PAX3: variants seen among roughly 807,000 people sequenced by gnomAD.
PAX3 encodes paired box protein Pax-3.
Under a neutral mutation model 51.6 loss-of-function variants are expected in PAX3, and 14 were observed. The observed-to-expected ratio is 0.27, with a 90% CI of 0.18 to 0.42. The LOEUF (loss-of-function observed/expected upper bound fraction) is 0.42. Ranked by LOEUF, PAX3 falls within the 10% of genes least tolerant of loss-of-function variation. PAX3 has a pLI of 1.00. For synonymous variants in PAX3, 280 were observed against 253.4 expected (o/e 1.11, Z -1.00); for missense variants, 540 against 642.8 (o/e 0.84, Z 1.73).
At chr2:222,212,351 C>T (rs989219608) in intron 7 of PAX3, among the ~76,000 whole-genome samples, 2 of 152,010 alleles carry the variant, frequency 1.3e-5, no homozygotes, top group African/African-American at 4.8e-5. Flanking sequence ...CTAAAGGTTA[C>T]CCGAACAGTC....
chr2:222,247,663 G>A (rs1242714073), intron 4 of PAX3, among the ~76,000 whole-genome samples: 1 of 151,720 alleles, frequency 6.6e-6, no homozygotes, highest in Non-Finnish European at 1.5e-5. Flanking sequence ...TTTTTTCTGT[G>A]GATCTATAGG....
chr2:222,244,618 C>G (rs1292148484), intron 4 of PAX3, among the ~76,000 whole-genome samples: 2 of 151,466 alleles, frequency 1.3e-5, no homozygotes, highest in Non-Finnish European at 2.9e-5. Flanking sequence ...AAATCACCAC[C>G]AAAGCTTTGC....
Position 222,238,506 on chromosome 2 carries a change from G to A in PAX3, c.587-6223C>T, listed in dbSNP as rs150817410. Reference sequence around the variant, plus strand: ...ACATTGTCTTTCTTCTCAGCAAGACGTTTCATTTGAATAATTAAAGAATCA... The same window carrying A: ...ACATTGTCTTTCTTCTCAGCAAGACATTTCATTTGAATAATTAAAGAATCA... On this transcript the variant is annotated intron_variant, in intron 4 of 8. Transcript: ENST00000392070. Among the ~76,000 whole-genome samples the A allele has an allele frequency of 3.4e-4, 52 of 152,276 alleles. No individual in the cohort carries two copies. In the East Asian group the frequency reaches 4.4e-3, roughly 13 times the overall value.
intron 4 of PAX3, among the ~76,000 whole-genome samples, chr2:222,254,792 C>CT (rs1406280452): frequency 6.6e-6 from 1 of 152,022 alleles, no homozygotes; most frequent in Non-Finnish European, 1.5e-5. Flanking sequence ...CTATTCTTTT[C>CT]TTTTTTCTGA....
intron 5 of PAX3, among the ~76,000 whole-genome samples, chr2:222,231,249 C>CTGCA (rs1559271486): frequency 6.6e-6 from 1 of 152,088 alleles, no homozygotes; most frequent in Non-Finnish European, 1.5e-5. Context: ...AAATAACACA[C>CTGCA]AATATTTGCA....
At chr2:222,225,822 A>G (rs1692361353) in intron 5 of PAX3, among the ~76,000 whole-genome samples, 1 of 152,236 alleles carries the variant, frequency 6.6e-6, no homozygotes, top group South Asian at 2.1e-4. Flanking sequence ...TGACACTTCT[A>G]TCTGAGAAAA....
intron 7 of PAX3, among the ~76,000 whole-genome samples, chr2:222,212,999 G>C (rs1691805938): frequency 6.6e-6 from 1 of 152,090 alleles, no homozygotes; most frequent in South Asian, 2.1e-4. Flanking sequence ...GAAAACACGA[G>C]GTTGTTGCAT....
chr2:222,283,190 T>A (rs963141582), intron 4 of PAX3, among the ~76,000 whole-genome samples: 2 of 152,238 alleles, frequency 1.3e-5, no homozygotes, highest in African/African-American at 2.4e-5. Context: ...GCCAGTATGA[T>A]GGAGTACTAT....
chr2:222,269,923 TTTTAGTAGAAAGAA>T lies in PAX3; in HGVS notation c.586+24230_586+24243del, dbSNP rs758718261. 3.7e-4 allele frequency among the ~76,000 whole-genome samples: 56 copies of T among 152,354 alleles called. 1 individual carries two copies. The highest frequency in any genetic ancestry group is 3.4e-3 in the Middle Eastern group (1 of 294). ...ACATTTGTGCTTAAACACTTAATTC[TTTTAGTAGAAAGAA>T]TTTAGTTCGAGCCTAAAATAGTAAA... On this transcript the variant is annotated intron_variant, in intron 4 of 8. Coordinates refer to ENST00000392070, the MANE Select transcript of PAX3 (RefSeq NM_181458.4).
rs1393367063 is a variant in PAX3, at chr2:222,201,354, T to C, written c.*54A>G. 6.2e-7 allele frequency: 1 copy of C among 1,611,838 alleles called. No individual in the cohort carries two copies. Among genetic ancestry groups the C allele is most frequent in the African/African-American group, 1.3e-5 (1 of 74,392 alleles). ...GTTTTCAGAGCAGATTCTTCATATCTAGGCTGCGAAGACCAGAAACAGGGC... is the reference window on the plus strand; with the variant it reads ...GTTTTCAGAGCAGATTCTTCATATCCAGGCTGCGAAGACCAGAAACAGGGC... On this transcript the variant is annotated 3_prime_UTR_variant, in exon 9 of 9. Coordinates refer to ENST00000392070, the MANE Select transcript of PAX3 (RefSeq NM_181458.4).
intron 7 of PAX3, among the ~76,000 whole-genome samples, chr2:222,210,936 G>A (rs986993042): frequency 1.3e-5 from 2 of 151,954 alleles, no homozygotes; most frequent in Admixed American, 6.6e-5. Flanking sequence ...GTGCAATCAC[G>A]GCTCACTGCA....
intron 7 of PAX3, among the ~76,000 whole-genome samples, chr2:222,202,624 G>T (rs922148723): frequency 2.6e-5 from 4 of 151,314 alleles, no homozygotes; most frequent in African/African-American, 9.7e-5. Context: ...ACAGTCATTT[G>T]CTTATATTTT....
intron 1 of PAX3, 139 bp from the exon 2 acceptor site, chr2:222,297,352 A>T: frequency 1.4e-6 from 1 of 717,496 alleles, no homozygotes; most frequent in Non-Finnish European, 2.5e-6. Context: ...TCGACATCGG[A>T]CTCCCAGACC....
chr2:222,282,475 A>G (rs948780976), intron 4 of PAX3, among the ~76,000 whole-genome samples: 4 of 152,228 alleles, frequency 2.6e-5, no homozygotes, highest in East Asian at 1.9e-4. Context: ...CCATTCCCAA[A>G]CTCAAGAAAC....
intron 4 of PAX3, among the ~76,000 whole-genome samples, chr2:222,253,333 T>C (rs1030942686): frequency 6.6e-6 from 1 of 152,176 alleles, no homozygotes; most frequent in Admixed American, 6.5e-5. Context: ...ACAGGTAAAT[T>C]ATAGTGTTGA....
chr2:222,236,440 A>G (rs1210393596), intron 4 of PAX3, among the ~76,000 whole-genome samples: 1 of 152,160 alleles, frequency 6.6e-6, no homozygotes, highest in Non-Finnish European at 1.5e-5. Context: ...TCCCATTTTA[A>G]GAGCACATAG....
chr2:222,228,026 T>TCA (rs1209434061), intron 5 of PAX3, among the ~76,000 whole-genome samples: 1 of 152,200 alleles, frequency 6.6e-6, no homozygotes, highest in Non-Finnish European at 1.5e-5. Flanking sequence ...TTAAACTAAC[T>TCA]CACACTTTCT....
At chr2:222,216,945 AC>A (rs1302456149) in intron 7 of PAX3, among the ~76,000 whole-genome samples, 1 of 152,258 alleles carries the variant, frequency 6.6e-6, no homozygotes, top group East Asian at 1.9e-4. Flanking sequence ...AGAGAGATCT[AC>A]AGTGAACTGA....
chr2:222,273,013 G>C (rs925387925), intron 4 of PAX3, among the ~76,000 whole-genome samples: 1 of 152,070 alleles, frequency 6.6e-6, no homozygotes, highest in African/African-American at 2.4e-5. Context: ...AAAATCCCCT[G>C]GACTTTGAGG....
Sources: gnomAD v4.1 joint callset for allele counts (sites outside exome capture counted in the v4.1 genomes callset) on GRCh38, gnomAD v4.1.1 for gene constraint, MANE v1.5 for transcripts, NCBI Gene and HGNC (gene_info 2026-07-23, HGNC 2026-07-21) for gene names.